CERS6: variants seen among roughly 807,000 people sequenced by gnomAD.
CERS6 encodes LAG1 homolog, ceramide synthase 6.
CERS6 carries 26 observed loss-of-function variants against 56.8 expected under a neutral mutation model. The ratio of observed to expected loss-of-function variants is 0.46; its 90% CI spans 0.34 to 0.63. The LOEUF is 0.63. Ranked by LOEUF, CERS6 falls within the 30% of genes least tolerant of loss-of-function variation. The probability of loss-of-function intolerance (pLI) is 0.01; values close to 1 mark genes in which losing one functional copy is unlikely to be tolerated. For synonymous variants in CERS6, 164 were observed against 173.3 expected, an observed-to-expected ratio of 0.95 and a Z score of 0.42; for missense variants, 415 against 467.5, an observed-to-expected ratio of 0.89 and a Z score of 1.04.
At chr2:168,604,873 G>A (rs1037860938) in intron 3 of CERS6, among the ~76,000 whole-genome samples, 1 of 152,156 alleles carries the variant, frequency 6.6e-6, no homozygotes, top group Non-Finnish European at 1.5e-5. Context: ...CTCAGTCTCA[G>A]GTATTTCTTT....
intron 6 of CERS6, among the ~76,000 whole-genome samples, chr2:168,708,381 A>G (rs1397220720): frequency 6.6e-6 from 1 of 152,218 alleles, no homozygotes; most frequent in Non-Finnish European, 1.5e-5. Context: ...TTGATCCCTA[A>G]AAAGAAAAGC....
intron 8 of CERS6, among the ~76,000 whole-genome samples, chr2:168,755,714 G>A (rs190161159): frequency 2.0e-5 from 3 of 152,350 alleles, no homozygotes; most frequent in East Asian, 1.9e-4. Context: ...TGTTTCTGCT[G>A]TAAATAGCCA....
At chr2:168,472,652 C>T (rs985588224) in intron 1 of CERS6, among the ~76,000 whole-genome samples, 1 of 152,180 alleles carries the variant, frequency 6.6e-6, no homozygotes, top group African/African-American at 2.4e-5. Context: ...ATAGTCAGAA[C>T]ATCCATTTTC....
chr2:168,545,454 G>C (rs779273585), intron 1 of CERS6, among the ~76,000 whole-genome samples: 1 of 152,064 alleles, frequency 6.6e-6, no homozygotes, highest in African/African-American at 2.4e-5. Context: ...AGCTTAAAAA[G>C]AGAAGGAGAG....
intron 8 of CERS6, among the ~76,000 whole-genome samples, chr2:168,725,871 G>A (rs78551025): frequency 6.6e-6 from 1 of 152,194 alleles, no homozygotes; most frequent in East Asian, 1.9e-4. Flanking sequence ...TTGTAGCCTT[G>A]ACTTTGTAGT....
chr2:168,466,709 C>G (rs1046714398), intron 1 of CERS6, among the ~76,000 whole-genome samples: 2 of 152,138 alleles, frequency 1.3e-5, no homozygotes, highest in African/African-American at 4.8e-5. Flanking sequence ...CTTTTTCTCT[C>G]TACTGGTCTT....
At chr2:168,620,771 T>TC (rs1684452624) in intron 3 of CERS6, among the ~76,000 whole-genome samples, 1 of 151,512 alleles carries the variant, frequency 6.6e-6, no homozygotes, top group Admixed American at 6.6e-5. Flanking sequence ...TTTTTTTTTT[T>TC]TTTTTTTTTA....
chr2:168,460,819 T>A (rs1285860104), intron 1 of CERS6, among the ~76,000 whole-genome samples: 3 of 152,112 alleles, frequency 2.0e-5, no homozygotes, highest in African/African-American at 7.2e-5. Flanking sequence ...GACAGCAAAG[T>A]CTGGCTTCAC....
intron 7 of CERS6, among the ~76,000 whole-genome samples, chr2:168,717,377 A>G (rs1169386178): frequency 6.6e-6 from 1 of 152,144 alleles, no homozygotes; most frequent in Non-Finnish European, 1.5e-5. Flanking sequence ...AAAACCTACA[A>G]TTTTAAGGAG....
chr2:168,598,603 G>A (rs1683859234), intron 3 of CERS6, among the ~76,000 whole-genome samples: 1 of 151,926 alleles, frequency 6.6e-6, no homozygotes, highest in African/African-American at 2.4e-5. Flanking sequence ...AGAATATAAT[G>A]CCATCATATC....
chr2:168,656,750 T>G (rs1484394501), intron 4 of CERS6, among the ~76,000 whole-genome samples: 1 of 152,078 alleles, frequency 6.6e-6, no homozygotes, highest in African/African-American at 2.4e-5. Flanking sequence ...CCCGAGCGGG[T>G]TGCCACTGCT....
chr2:168,753,722 A>G (rs3845724), intron 8 of CERS6, among the ~76,000 whole-genome samples: 77,206 of 152,020 alleles, frequency 0.51, 20,570 homozygotes, highest in Admixed American at 0.6. Flanking sequence ...TATTTTTCTA[A>G]GATAAAAGTG....
intron 5 of CERS6, among the ~76,000 whole-genome samples, chr2:168,691,856 A>T (rs933833193): frequency 3.3e-5 from 5 of 152,180 alleles, no homozygotes; most frequent in African/African-American, 1.2e-4. Context: ...TTGTGACAAC[A>T]TGAGGAGACA....
intron 3 of CERS6, among the ~76,000 whole-genome samples, chr2:168,608,437 A>C (rs1684106165): frequency 6.6e-6 from 1 of 152,242 alleles, no homozygotes; most frequent in Non-Finnish European, 1.5e-5. Context: ...GAGATATGAA[A>C]TATGAACATG....
intron 6 of CERS6, among the ~76,000 whole-genome samples, chr2:168,700,104 G>T (rs915589933): frequency 3.3e-5 from 5 of 151,862 alleles, no homozygotes; most frequent in Admixed American, 2.6e-4. Flanking sequence ...TCTTAAACCC[G>T]AGAGAAACAC....
chr2:168,583,853 G>A (rs1683478111), intron 3 of CERS6, among the ~76,000 whole-genome samples: 1 of 152,148 alleles, frequency 6.6e-6, no homozygotes, highest in Admixed American at 6.5e-5. Flanking sequence ...GCTTTTCGAG[G>A]CCTTGTGAAT....
intron 1 of CERS6, among the ~76,000 whole-genome samples, chr2:168,530,397 A>G (rs1695145521): frequency 6.6e-6 from 1 of 152,258 alleles, no homozygotes; most frequent in Admixed American, 6.5e-5. Context: ...TAATTTTACA[A>G]GTACCACAAT....
intron 3 of CERS6, among the ~76,000 whole-genome samples, chr2:168,569,136 A>G (rs1315285953): frequency 6.6e-6 from 1 of 152,214 alleles, no homozygotes; most frequent in African/African-American, 2.4e-5. Context: ...TAAAAGTCCC[A>G]GGTGACATAA....
At chr2:168,508,905 G>A (rs914258584) in intron 1 of CERS6, among the ~76,000 whole-genome samples, 1 of 152,148 alleles carries the variant, frequency 6.6e-6, no homozygotes, top group Admixed American at 6.5e-5. Flanking sequence ...TCTGAAGTCA[G>A]ATTACTGTTA....
Sources: allele counts gnomAD v4.1 joint callset (sites outside exome capture counted in the v4.1 genomes callset), GRCh38; gene constraint gnomAD v4.1.1; transcripts MANE v1.5; gene names NCBI Gene and HGNC (gene_info 2026-07-23, HGNC 2026-07-21).